The following TULP4 variants were observed in gnomAD, a reference collection of about 807,000 sequenced individuals.
TULP4 encodes the protein tubby-related protein 4.
TULP4 carries 16 observed loss-of-function variants against 129.0 expected under a neutral mutation model. That is an observed-to-expected ratio of 0.12 (90% confidence interval 0.08 to 0.19). The LOEUF (loss-of-function observed/expected upper bound fraction) is 0.19, where lower values mean the gene tolerates loss of function less well. Among genes scored for constraint, TULP4 ranks in the 10% least tolerant of loss-of-function variants. TULP4 has a pLI of 1.00. For missense variants in TULP4, 1,842 were observed against 2,059.1 expected, an observed-to-expected ratio of 0.89 and a Z score of 2.04; for synonymous variants, 998 against 854.0, an observed-to-expected ratio of 1.17 and a Z score of -2.94.
At chr6:158,368,248 T>C (rs1462948610) in intron 1 of TULP4, among the ~76,000 whole-genome samples, 1 of 152,140 alleles carries the variant, frequency 6.6e-6, no homozygotes, top group Admixed American at 6.5e-5. Flanking sequence ...CATAAAAAAT[T>C]ATCATTAATG....
intron 6 of TULP4, among the ~76,000 whole-genome samples, chr6:158,462,751 T>TG (rs1779463247): frequency 1.9e-5 from 1 of 52,162 alleles, no homozygotes; most frequent in Non-Finnish European, 3.4e-5. Context: ...TTTTTCCTTT[T>TG]TTTTTTTTTT....
intron 2 of TULP4, among the ~76,000 whole-genome samples, chr6:158,424,386 A>G (rs937275015): frequency 5.9e-5 from 9 of 152,068 alleles, no homozygotes; most frequent in African/African-American, 1.9e-4. Flanking sequence ...AGTAGCTGGG[A>G]CTACAGATGC....
At chr6:158,445,938 AGAGGGCC>A (rs1165802204) in intron 3 of TULP4, among the ~76,000 whole-genome samples, 2 of 152,166 alleles carry the variant, frequency 1.3e-5, no homozygotes, top group Admixed American at 6.5e-5. Flanking sequence ...CCTAGAGAGA[AGAGGGCC>A]TAGAGCCAAG....
chr6:158,499,642 G>A (rs901276004), intron 12 of TULP4, among the ~76,000 whole-genome samples: 3 of 152,130 alleles, frequency 2.0e-5, no homozygotes, highest in African/African-American at 7.2e-5. Flanking sequence ...AACTAAGTGG[G>A]CTCTGGAAGT....
chr6:158,311,659 T>A (rs1238484200), upstream of TULP4, among the ~76,000 whole-genome samples: 1 of 152,164 alleles, frequency 6.6e-6, no homozygotes, highest in African/African-American at 2.4e-5. Flanking sequence ...CTTGCCTGAG[T>A]CATTTCAGTC....
chr6:158,418,523 G>C (rs992654132), intron 2 of TULP4, among the ~76,000 whole-genome samples: 1 of 151,862 alleles, frequency 6.6e-6, no homozygotes, highest in Non-Finnish European at 1.5e-5. Context: ...CAAGTGGCTA[G>C]TTGGGAGACT....
Position 158,502,528 on chromosome 6 carries a change from CG to C in TULP4, c.2869del (p.Asp957ThrfsTer67). 6.2e-7 allele frequency: 1 copy of C among 1,611,038 alleles called. No homozygotes were observed. ...LTVPRYSIPT[G>X]DPPPYPEIAS... ...CCGTCCCTCGCTACTCCATCCCCAC[CG>C]GGGACCCACCCCCGTATCCTGAAAT... On this transcript the variant is annotated frameshift_variant, in exon 13 of 14. Transcript: ENST00000367097. LOFTEE classifies it high-confidence loss of function.
At chr6:158,303,530 C>CA (rs1486747805) in intron 1 of TULP4, among the ~76,000 whole-genome samples, 1 of 152,054 alleles carries the variant, frequency 6.6e-6, no homozygotes, top group Non-Finnish European at 1.5e-5. Flanking sequence ...GGGAACACGA[C>CA]AAAGGGCAAA....
Position 158,504,109 on chromosome 6 carries a change from G to T in TULP4, c.4446G>T (p.Gln1482His). The change falls in exon 13 of 14, where the codon CAG (glutamine) becomes CAT (histidine). Residue 1482 changes from glutamine to histidine, a missense_variant. Gln to His is a conservative substitution (Grantham distance 24). Coordinates refer to ENST00000367097, the MANE Select transcript of TULP4 (RefSeq NM_020245.5). ...GGAACGAGGCCACCCAGGTCTACCA[G>T]CTGGACTTCGGGGGGCGGGTGACCC... is the stretch of plus-strand genomic sequence containing the variant. ...PLWNEATQVY[Q>H]LDFGGRVTQE... 6.2e-7 allele frequency: 1 copy of T among 1,609,158 alleles called. No individual in the cohort carries two copies. The highest frequency in any genetic ancestry group is 8.5e-7 in the Non-Finnish European group (1 of 1,178,164).
At chr6:158,449,827 C>T (rs746640611) in intron 4 of TULP4, among the ~76,000 whole-genome samples, 1 of 152,142 alleles carries the variant, frequency 6.6e-6, no homozygotes, top group Non-Finnish European at 1.5e-5. Context: ...GTGTGCAGCA[C>T]TGGCCCACTC....
intron 1 of TULP4, among the ~76,000 whole-genome samples, chr6:158,341,142 T>A (rs568418275): frequency 6.6e-6 from 1 of 152,242 alleles, no homozygotes; most frequent in East Asian, 1.9e-4. Flanking sequence ...CTCCATGAGG[T>A]CAATTTTTTT....
chr6:158,475,928 G>T (rs1412941390), intron 6 of TULP4, among the ~76,000 whole-genome samples: 1 of 152,216 alleles, frequency 6.6e-6, no homozygotes, highest in Admixed American at 6.5e-5. Context: ...TAAAAAGTAA[G>T]ATGACCTGTT....
chr6:158,234,627 G>A (rs1777655142), intron 1 of TULP4, among the ~76,000 whole-genome samples: 2 of 152,286 alleles, frequency 1.3e-5, no homozygotes, highest in Admixed American at 6.5e-5. Flanking sequence ...TAAAAACTGA[G>A]TACAACCTCT....
At chr6:158,265,786 A>G (rs1778435183) in intron 1 of TULP4, among the ~76,000 whole-genome samples, 1 of 152,118 alleles carries the variant, frequency 6.6e-6, no homozygotes, top group African/African-American at 2.4e-5. Flanking sequence ...ATTAAACTTA[A>G]ATCTTACCTG....
At chr6:158,452,377 C>T in intron 5 of TULP4, 109 bp downstream of exon 5, 2 of 1,427,672 alleles carry the variant, frequency 1.4e-6, no homozygotes, top group South Asian at 1.4e-5. Context: ...TCTGTGGTGA[C>T]ACCTTCTGGG....
At chr6:158,359,417 G>A (rs1051527804) in intron 1 of TULP4, among the ~76,000 whole-genome samples, 1 of 152,144 alleles carries the variant, frequency 6.6e-6, no homozygotes, top group African/African-American at 2.4e-5. Context: ...ATCACAAGGT[G>A]GGGTCTCACA....
chr6:158,378,485 T>TTTTTTTTGG (rs1554285635), intron 1 of TULP4, among the ~76,000 whole-genome samples: 94 of 51,368 alleles, frequency 1.8e-3, no homozygotes, highest in Admixed American at 2.6e-3. Context: ...TTTTTTTTTT[T>TTTTTTTTGG]GGTGGGGGTG....
intron 2 of TULP4, among the ~76,000 whole-genome samples, chr6:158,414,563 T>G (rs1778165676): frequency 6.6e-6 from 1 of 152,214 alleles, no homozygotes; most frequent in Non-Finnish European, 1.5e-5. Context: ...TAGCCATAGG[T>G]CATCACCAAA....
intron 5 of TULP4, among the ~76,000 whole-genome samples, chr6:158,455,534 C>T (rs1361831890): frequency 1.3e-5 from 2 of 151,604 alleles, no homozygotes; most frequent in Non-Finnish European, 2.9e-5. Flanking sequence ...GTCAGGAGTT[C>T]GAGACCAGCC....
Sources: allele counts gnomAD v4.1 joint callset (sites outside exome capture counted in the v4.1 genomes callset), GRCh38; gene constraint gnomAD v4.1.1; transcripts MANE v1.5; gene names NCBI Gene and HGNC (gene_info 2026-07-23, HGNC 2026-07-21).